Variants in CHRNG observed in about 807,000 individuals in gnomAD.
CHRNG encodes cholinergic receptor nicotinic gamma subunit, also known as acetylcholine receptor subunit gamma.
CHRNG carries 72 observed loss-of-function variants against 65.2 expected under a neutral mutation model. The ratio of observed to expected loss-of-function variants is 1.10; its 90% CI spans 0.91 to 1.34. CHRNG has a LOEUF of 1.34. CHRNG is among the 40% of genes most tolerant of loss of function. The pLI is 0.00. For synonymous variants in CHRNG, 284 were observed against 290.2 expected, an observed-to-expected ratio of 0.98 and a Z score of 0.22; for missense variants, 637 against 680.1, an observed-to-expected ratio of 0.94 and a Z score of 0.70.
Position 232,541,258 on chromosome 2 carries a change from G to C in CHRNG, c.351-116G>C. On this transcript the variant is annotated intron_variant, in intron 4 of 11. Coordinates refer to ENST00000651502, the MANE Select transcript of CHRNG (RefSeq NM_005199.5). The surrounding 1 kb of genome is among the most constrained non-coding windows in gnomAD (Gnocchi z 4.0). ...GGAACCAGTCAGGGGGTGACAGGCT[G>C]GTAGGGACTGGTGTCCCCAGGCCCC... 1 of 1,303,194 alleles carries C rather than the reference G, an allele frequency of 7.7e-7. No homozygotes were observed. The highest frequency in any genetic ancestry group is 1.1e-6 in the Non-Finnish European group (1 of 908,270). The allele number at this position is 1,303,194 out of a possible 1,614,324, so 80.7% of individuals were successfully genotyped here. A position where few individuals can be genotyped will look rare whatever the true frequency, so the allele number is the denominator to read the frequency against.
chr2:232,544,956 G>A (rs1463559258), intron 11 of CHRNG, 54 bp downstream of exon 11: 23 of 1,610,376 alleles, frequency 1.4e-5, no homozygotes, highest in African/African-American at 9.4e-5. Context: ...GCTTGGAACC[G>A]TGATAGAGAC....
At position 232,540,341 on chromosome 2, in the gene CHRNG, C is replaced by T. The variant is rs1042015434; in HGVS notation, c.196-40C>T. ...GGCCTGTGGGGACTGGCACTGAAGT[C>T]GGGGGCTGAGCCCTCCATACTACAC... On this transcript the variant is annotated intron_variant, in intron 2 of 11. Transcript: ENST00000651502. This position sits in a 1 kb window ranked among gnomAD's most constrained non-coding sequence, Gnocchi z 4.2. 3.2e-5 allele frequency: 51 copies of T among 1,613,430 alleles called. No homozygotes were observed. Among genetic ancestry groups the T allele is most frequent in the African/African-American group, 8.0e-5 (6 of 74,846 alleles).
chr2:232,540,289 G>T lies in CHRNG; in HGVS notation c.196-92G>T. ...GGTTGTGGGGGGAGTACTATCAAGA[G>T]GCTGGGGGATGCTTGGCCCCATTGG... On this transcript the variant is annotated intron_variant, in intron 2 of 11. Transcript: ENST00000651502. This position sits in a 1 kb window ranked among gnomAD's most constrained non-coding sequence, Gnocchi z 4.2. 6.2e-7 allele frequency: 1 copy of T among 1,602,436 alleles called. No homozygotes were observed. The highest frequency in any genetic ancestry group is 1.3e-5 in the African/African-American group (1 of 74,790).
chr2:232,543,483 C>G (rs986243101), intron 8 of CHRNG, 94 bp downstream of exon 8: 26 of 1,178,264 alleles, frequency 2.2e-5, no homozygotes, highest in Non-Finnish European at 3.0e-5. Flanking sequence ...TCCATCCACC[C>G]CCCCCATCCT....
intron 11 of CHRNG, 82 bp from the exon 12 acceptor site, chr2:232,545,461 C>T (rs1692110816): frequency 7.8e-7 from 1 of 1,287,936 alleles, no homozygotes; most frequent in Admixed American, 1.9e-5. Context: ...CATGGGCCTG[C>T]TGGAAGCCCA....
intron 10 of CHRNG, 28 bp from the exon 11 acceptor site, chr2:232,544,744 C>A (rs781098639): frequency 1.2e-6 from 2 of 1,613,544 alleles, no homozygotes; most frequent in East Asian, 4.5e-5. Context: ...CCATTCTACT[C>A]CCAAACCTTA....
intron 11 of CHRNG, 61 bp from the exon 12 acceptor site, chr2:232,545,482 C>T: frequency 1.4e-6 from 2 of 1,467,698 alleles, no homozygotes; most frequent in Non-Finnish European, 1.9e-6. Flanking sequence ...AGGATGAGAA[C>T]AGGACCCAGG....
At chr2:232,544,315 C>A in intron 9 of CHRNG, 52 bp from the exon 10 acceptor site, 1 of 1,403,966 alleles carries the variant, frequency 7.1e-7, no homozygotes, top group Non-Finnish European at 1.0e-6. Context: ...CAACCTCTGG[C>A]TTCTGCTCTG....
rs776370707 is a variant in CHRNG, at chr2:232,540,459, G to C, written c.240+34G>C. The C allele has an allele frequency of 6.2e-7, 1 of 1,612,254 alleles. No homozygotes were observed. The highest frequency in any genetic ancestry group is 8.5e-7 in the Non-Finnish European group (1 of 1,179,690). ...CCACCCTGCCACCCTCCTTCCATCA[G>C]GGGTCCCACCCCACCACCCCAAGGC... On this transcript the variant is annotated intron_variant, in intron 3 of 11. Coordinates refer to ENST00000651502, the MANE Select transcript of CHRNG (RefSeq NM_005199.5). This position sits in a 1 kb window ranked among gnomAD's most constrained non-coding sequence, Gnocchi z 4.2.
rs559878427 is a variant in CHRNG, at chr2:232,547,474, G to A, written c.*1758G>A. Among the ~76,000 whole-genome samples the A allele has an allele frequency of 1.3e-5, 2 of 152,128 alleles. No homozygotes were observed. The highest frequency in any genetic ancestry group is 2.9e-5 in the Non-Finnish European group (2 of 68,018). On this transcript the variant is annotated 3_prime_UTR_variant, in exon 12 of 12. Transcript: ENST00000651502. ...AGAAAAGTGAAAGTGCCACATAAAGGCCTGACGACAGGATATGCTGGCAGG... is the reference window on the plus strand; with the variant it reads ...AGAAAAGTGAAAGTGCCACATAAAGACCTGACGACAGGATATGCTGGCAGG...
chr2:232,540,282 A>G lies in CHRNG; in HGVS notation c.196-99A>G. On this transcript the variant is annotated intron_variant, in intron 2 of 11. Coordinates refer to ENST00000651502, the MANE Select transcript of CHRNG (RefSeq NM_005199.5). The surrounding 1 kb of genome is among the most constrained non-coding windows in gnomAD (Gnocchi z 4.2). ...CCCCCATGGTTGTGGGGGGAGTACT[A>G]TCAAGAGGCTGGGGGATGCTTGGCC... 4 of 1,598,812 alleles carry G rather than the reference A, an allele frequency of 2.5e-6. No individual in the cohort carries two copies. Among genetic ancestry groups the G allele is most frequent in the African/African-American group, 1.3e-5 (1 of 74,692 alleles).
At position 232,541,222 on chromosome 2, in the gene CHRNG, T is replaced by A; in HGVS notation, c.351-152T>A. 1 of 874,490 alleles carries A rather than the reference T, an allele frequency of 1.1e-6. No homozygotes were observed. The highest frequency in any genetic ancestry group is 1.8e-6 in the Non-Finnish European group (1 of 546,262). 54.2% of individuals were successfully genotyped at this position (874,490 alleles called of 1,614,324 possible). On this transcript the variant is annotated intron_variant, in intron 4 of 11. Coordinates refer to ENST00000651502, the MANE Select transcript of CHRNG (RefSeq NM_005199.5). This position sits in a 1 kb window ranked among gnomAD's most constrained non-coding sequence, Gnocchi z 4.0. ...CAGGAGGATTGCTGGGGGGACCTAGTGGTCCGGGTGGGAACCAGTCAGGGG... is the reference window on the plus strand; with the variant it reads ...CAGGAGGATTGCTGGGGGGACCTAGAGGTCCGGGTGGGAACCAGTCAGGGG...
At chr2:232,542,643 A>G (rs773839306) in intron 6 of CHRNG, 123 bp downstream of exon 6, 6 of 761,138 alleles carry the variant, frequency 7.9e-6, no homozygotes, top group Non-Finnish European at 9.3e-6. Context: ...ACTACAGCAA[A>G]CCATAAAATA....
At position 232,544,808 on chromosome 2, in the gene CHRNG, G is replaced by A. The variant is rs145607890; in HGVS notation, c.1286G>A (p.Gly429Asp). 143 of 1,613,844 alleles carry A rather than the reference G, an allele frequency of 8.9e-5. No individual in the cohort carries two copies. The highest frequency in any genetic ancestry group is 1.2e-4 in the Admixed American group (7 of 60,024). ...GAGTTAGGGCTGAGCCAGTTCTGTG[G>A]CAGCCTGAAGCAGGCTGCCCCAGCC... ...GPELGLSQFC[G>D]SLKQAAPAIQ... Residue 429 changes from glycine (G) to aspartate (D), a missense_variant, in exon 11 of 12, where the codon GGC (glycine) becomes GAC (aspartate). Transcript: ENST00000651502.
At chr2:232,542,088 C>A (rs1409137101) in intron 5 of CHRNG, among the ~76,000 whole-genome samples, 2 of 152,126 alleles carry the variant, frequency 1.3e-5, no homozygotes, top group Non-Finnish European at 2.9e-5. Flanking sequence ...ACACGGGGGT[C>A]CTCCTGAGGT....
At position 232,546,308 on chromosome 2, in the gene CHRNG, C is replaced by CTTTT. The variant is rs57021172; in HGVS notation, c.*609_*612dup. On this transcript the variant is annotated 3_prime_UTR_variant, in exon 12 of 12. Transcript: ENST00000651502. The stretch of plus-strand genomic sequence containing the variant: ...ACGATTTCCTGAGTTTTGTAATCCT[C>CTTTT]TTTTTTTTTTTTTTTTTTTTAGTTT... 4,277 of 94,444 alleles carry CTTTT rather than the reference C, an allele frequency of 0.045. 174 individuals are homozygous for CTTTT. The highest frequency in any genetic ancestry group is 0.12 in the African/African-American group (3,233 of 25,874). The allele number at this position is 94,444 out of a possible 1,614,324, so 5.9% of individuals were successfully genotyped here.
Position 232,540,072 on chromosome 2 carries a change from C to T in CHRNG, c.136C>T (p.Arg46Ter), listed in dbSNP as rs121912672. 2.5e-5 allele frequency: 41 copies of T among 1,614,082 alleles called. No individual in the cohort carries two copies. The South Asian group carries it at 3.7e-4, about 15-fold the overall frequency. ...CGACCCCAACCTGCGGCCCGCGGAA[C>T]GAGACTCGGATGTGGTCAATGTCAG... is the stretch of plus-strand genomic sequence containing the variant. ...NYDPNLRPAE[R>*]DSDVVNVSLK... The change falls in exon 2 of 12, where the codon CGA (arginine) becomes TGA (stop). Residue 46 changes from arginine to a stop codon, truncating the protein, a stop_gained. Transcript: ENST00000651502. LOFTEE classifies it high-confidence loss of function. This position sits in a 1 kb window ranked among gnomAD's most constrained non-coding sequence, Gnocchi z 4.2.
Position 232,541,668 on chromosome 2 carries a change from G to A in CHRNG, c.506+139G>A. The A allele has an allele frequency of 9.4e-7, 1 of 1,064,306 alleles. No homozygotes were observed. Among genetic ancestry groups the A allele is most frequent in the South Asian group, 1.3e-5 (1 of 77,118 alleles). 65.9% of individuals were successfully genotyped at this position (1,064,306 alleles called of 1,614,324 possible). On this transcript the variant is annotated intron_variant, in intron 5 of 11. Transcript: ENST00000651502. The surrounding 1 kb of genome is among the most constrained non-coding windows in gnomAD (Gnocchi z 4.0). ...CTGGCTCCATCTCCCCTGGGCCTCT[G>A]TGCCCATCTCAGGCTAAGACACCTG...
intron 6 of CHRNG, 21 bp from the exon 7 acceptor site, chr2:232,542,861 T>C (rs778211410): frequency 2.5e-6 from 4 of 1,583,208 alleles, no homozygotes; most frequent in Non-Finnish European, 3.5e-6. Context: ...TGCCCACTCC[T>C]GCCTGCCTGC....
Sources: gnomAD v4.1 joint callset for allele counts (sites outside exome capture counted in the v4.1 genomes callset) on GRCh38, gnomAD v4.1.1 for gene constraint, Gnocchi (gnomAD v3.1) non-coding constraint, MANE v1.5 for transcripts, NCBI Gene and HGNC (gene_info 2026-07-23, HGNC 2026-07-21) for gene names.